The following HERC1 variants were observed in gnomAD, a reference collection of about 807,000 sequenced individuals.
HERC1 encodes the protein probable E3 ubiquitin-protein ligase HERC1.
In HERC1, 160 loss-of-function variants were observed where a neutral mutation model predicts 554.3. That is an observed-to-expected ratio of 0.29 (90% CI 0.25 to 0.33). The LOEUF (loss-of-function observed/expected upper bound fraction) is 0.33. Among genes scored for constraint, HERC1 ranks in the 10% least tolerant of loss-of-function variants. HERC1 has a pLI of 1.00. For missense variants in HERC1, 4,919 were observed against 5,918.5 expected, an observed-to-expected ratio of 0.83 and a Z score of 5.54; for synonymous variants, 2,175 against 2,131.7, an observed-to-expected ratio of 1.02 and a Z score of -0.56.
At chr15:63,784,608 T>G (rs1198377083) in intron 1 of HERC1, among the ~76,000 whole-genome samples, 1 of 149,668 alleles carries the variant, frequency 6.7e-6, no homozygotes, top group Non-Finnish European at 1.5e-5. Flanking sequence ...CATGCAAATT[T>G]TTTTTTTTTT....
rs543260369 is a variant in HERC1, at chr15:63,687,329, G to T, written c.6049-794C>A. On this transcript the variant is annotated intron_variant, in intron 33 of 77. Coordinates refer to ENST00000443617, the MANE Select transcript of HERC1 (RefSeq NM_003922.4). ...CCGAAGCGGGCGGATCACAAGGTCA[G>T]TAGTTTGAGATCAGCCTGGCTAATA... 4.6e-5 allele frequency among the ~76,000 whole-genome samples: 7 copies of T among 152,270 alleles called. No homozygotes were observed. In the East Asian group the frequency reaches 1.4e-3, roughly 29 times the overall value.
At chr15:63,624,052 T>G in intron 72 of HERC1, 106 bp downstream of exon 72, 1 of 1,276,500 alleles carries the variant, frequency 7.8e-7, no homozygotes, top group Non-Finnish European at 1.1e-6. Flanking sequence ...ACTATTACTA[T>G]CTACCCTGCC....
chr15:63,636,264 A>T, intron 64 of HERC1, 122 bp from the exon 65 acceptor site: 1 of 770,316 alleles, frequency 1.3e-6, no homozygotes, highest in Non-Finnish European at 2.0e-6. Context: ...AATAAGAATA[A>T]TTTCATTAGT....
intron 39 of HERC1, 52 bp from the exon 40 acceptor site, chr15:63,669,750 C>T (rs900610012): frequency 7.3e-6 from 11 of 1,502,946 alleles, no homozygotes; most frequent in African/African-American, 2.8e-5. Context: ...CGAAATAATA[C>T]ATACATCACA....
intron 30 of HERC1, among the ~76,000 whole-genome samples, chr15:63,693,042 G>A (rs2072200364): frequency 6.6e-6 from 1 of 151,982 alleles, no homozygotes; most frequent in South Asian, 2.1e-4. Context: ...TTAGATGGGT[G>A]TGGTGGCACA....
intron 1 of HERC1, among the ~76,000 whole-genome samples, chr15:63,800,959 T>C (rs573047653): frequency 3.9e-5 from 6 of 152,194 alleles, no homozygotes; most frequent in Admixed American, 3.3e-4. Context: ...GGGGTGGAGA[T>C]AGAGTTAATC....
chr15:63,686,479 A>G lies in HERC1; in HGVS notation c.6105T>C (p.Phe2035=). 1 of 1,613,920 alleles carries G rather than the reference A, an allele frequency of 6.2e-7. No individual in the cohort carries two copies. Among genetic ancestry groups the G allele is most frequent in the Non-Finnish European group, 8.5e-7 (1 of 1,179,840 alleles). ...DENLPIQEVS[F]DPEKAQCCLV... is the part of the protein sequence containing the mutation. ...GGCAACACTGAGCTTTCTCCGGGTC[A>G]AAGGATACTTCTTGGATAGGAAGAT... Residue 2035 remains phenylalanine (F), a synonymous_variant, in exon 34 of 78, where the codon TTT becomes TTC. Coordinates refer to ENST00000443617, the MANE Select transcript of HERC1 (RefSeq NM_003922.4).
chr15:63,653,220 C>T (rs1040973262), intron 51 of HERC1, among the ~76,000 whole-genome samples: 1 of 152,128 alleles, frequency 6.6e-6, no homozygotes, highest in African/African-American at 2.4e-5. Flanking sequence ...GCAGGCGGAT[C>T]ACCTGAGGTC....
At position 63,622,792 on chromosome 15, in the gene HERC1, T is replaced by G. The variant is rs369588349; in HGVS notation, c.13688+23A>C. The G allele has an allele frequency of 5.8e-5, 90 of 1,548,708 alleles. No individual in the cohort carries two copies. The African/African-American group carries it at 1.1e-3, about 20-fold the overall frequency. ...TATTATTATTATTTTAGACATATAATGAACACTTGCTGACTGCCATACCTG... is the reference window on the plus strand; with the variant it reads ...TATTATTATTATTTTAGACATATAAGGAACACTTGCTGACTGCCATACCTG... On this transcript the variant is annotated intron_variant, in intron 74 of 77. Transcript: ENST00000443617.
intron 1 of HERC1, among the ~76,000 whole-genome samples, chr15:63,832,270 C>CGTGT (rs150054418): frequency 1.2e-4 from 18 of 150,810 alleles, no homozygotes; most frequent in Admixed American, 1.1e-3. Context: ...GTGCAGAATA[C>CGTGT]GTGTGTGTGT....
rs531748392 is a variant in HERC1 at position 63,803,905 on chromosome 15, G to A, written c.-26-28256C>T. 7.2e-5 allele frequency among the ~76,000 whole-genome samples: 11 copies of A among 152,262 alleles called. No individual in the cohort carries two copies. In the South Asian group the frequency reaches 2.3e-3, roughly 32 times the overall value. ...ACTAGTAACTAGTAATCAAGACGTGGTAGTGGCAACAAGATAGTGGTACTT... is the reference window on the plus strand; with the variant it reads ...ACTAGTAACTAGTAATCAAGACGTGATAGTGGCAACAAGATAGTGGTACTT... On this transcript the variant is annotated intron_variant, in intron 1 of 77. Transcript: ENST00000443617.
At chr15:63,707,315 C>T (rs1040785238) in intron 24 of HERC1, among the ~76,000 whole-genome samples, 12 of 152,176 alleles carry the variant, frequency 7.9e-5, no homozygotes, top group African/African-American at 2.9e-4. Flanking sequence ...AGTCCTAAAC[C>T]TTCTGGTAGT....
At chr15:63,669,386 T>A (rs2070791219) in intron 40 of HERC1, among the ~76,000 whole-genome samples, 152 bp downstream of exon 40, 1 of 152,230 alleles carries the variant, frequency 6.6e-6, no homozygotes, top group Non-Finnish European at 1.5e-5. Context: ...AGCTTCAACA[T>A]GAAGATCATA....
chr15:63,614,713 A>G (rs1018279581), intron 76 of HERC1, among the ~76,000 whole-genome samples: 1 of 152,248 alleles, frequency 6.6e-6, no homozygotes, highest in Non-Finnish European at 1.5e-5. Flanking sequence ...TATTATCAAA[A>G]GAACCATTTT....
chr15:63,751,167 T>C (rs1021324483), intron 8 of HERC1, among the ~76,000 whole-genome samples: 1 of 152,222 alleles, frequency 6.6e-6, no homozygotes, highest in African/African-American at 2.4e-5. Flanking sequence ...GACCACATTA[T>C]ACAACAGTGG....
intron 55 of HERC1, among the ~76,000 whole-genome samples, chr15:63,647,324 GTTA>G (rs2069408008): frequency 6.6e-6 from 1 of 151,486 alleles, no homozygotes; most frequent in Non-Finnish European, 1.5e-5. Flanking sequence ...AGTCAGGATG[GTTA>G]TTATTAAAAA....
At chr15:63,803,839 G>A (rs747189212) in intron 1 of HERC1, among the ~76,000 whole-genome samples, 6 of 152,174 alleles carry the variant, frequency 3.9e-5, no homozygotes, top group Non-Finnish European at 7.3e-5. Flanking sequence ...AAACATTAAA[G>A]ATGTACATTA....
intron 24 of HERC1, 111 bp downstream of exon 24, chr15:63,712,664 A>G (rs1381080406): frequency 1.1e-6 from 1 of 937,662 alleles, no homozygotes; most frequent in East Asian, 2.7e-5. Flanking sequence ...GTTATTTTTG[A>G]AAAAATTTTT....
intron 12 of HERC1, among the ~76,000 whole-genome samples, chr15:63,745,388 G>C (rs930810596): frequency 1.3e-5 from 2 of 152,212 alleles, no homozygotes; most frequent in Non-Finnish European, 2.9e-5. Flanking sequence ...GAGACACAGA[G>C]CACTATAGCC....
Sources: allele counts gnomAD v4.1 joint callset (sites outside exome capture counted in the v4.1 genomes callset), GRCh38; gene constraint gnomAD v4.1.1; transcripts MANE v1.5; gene names NCBI Gene and HGNC (gene_info 2026-07-23, HGNC 2026-07-21).